FAF1: variants seen among roughly 807,000 people sequenced by gnomAD.
FAF1 encodes the protein Fas associated factor 1, also known as FAS-associated factor 1.
FAF1 carries 25 observed loss-of-function variants against 92.5 expected under a neutral mutation model. The ratio of observed to expected loss-of-function variants is 0.27; its 90% CI spans 0.20 to 0.38. The LOEUF (loss-of-function observed/expected upper bound fraction) is 0.38. Ranked by LOEUF, FAF1 falls within the 10% of genes least tolerant of loss-of-function variation. The pLI, the probability that FAF1 is intolerant of heterozygous loss-of-function variation, is 1.00. For synonymous variants in FAF1, 234 were observed against 273.2 expected (o/e 0.86, Z 1.42); for missense variants, 636 against 793.3 (o/e 0.80, Z 2.38).
rs767211609 is a variant in FAF1, at chr1:50,567,210, G to T, written c.1135C>A (p.Leu379Ile). Residue 379 changes from leucine to isoleucine, a missense_variant, in exon 13 of 19, where the codon CTC (leucine) becomes ATC (isoleucine). Leu to Ile is a conservative substitution (Grantham distance 5). Transcript: ENST00000396153. ...GTTAACACACTTTCATCATGGTGGAGGTAGATAGCAAGAAGCTTTCTCTGA... is the reference window on the plus strand; with the variant it reads ...GTTAACACACTTTCATCATGGTGGATGTAGATAGCAAGAAGCTTTCTCTGA... ...ARDRKLLAIY[L>I]HHDESVLTNV... 6.2e-7 allele frequency: 1 copy of T among 1,605,656 alleles called. No individual in the cohort carries two copies. The highest frequency in any genetic ancestry group is 8.5e-7 in the Non-Finnish European group (1 of 1,175,608).
intron 17 of FAF1, among the ~76,000 whole-genome samples, chr1:50,482,706 A>G (rs1442925444): frequency 1.3e-5 from 2 of 152,168 alleles, no homozygotes; most frequent in Non-Finnish European, 2.9e-5. Context: ...AAGTCTTCTA[A>G]AAGGTGTACA....
Position 50,441,114 on chromosome 1 carries a change from G to C in FAF1, c.*326C>G, listed in dbSNP as rs1646161726. 4.5e-6 allele frequency: 1 copy of C among 222,320 alleles called. No homozygotes were observed. Among genetic ancestry groups the C allele is most frequent in the Non-Finnish European group, 8.8e-6 (1 of 113,968 alleles). The allele number at this position is 222,320 out of a possible 1,614,324, so 13.8% of individuals were successfully genotyped here. ...ACTGTCCTAGACACTGTGGGGAAAA[G>C]ATGGGCACTGGAGAGGTAAAAATTC... On this transcript the variant is annotated 3_prime_UTR_variant, in exon 19 of 19. Coordinates refer to ENST00000396153, the MANE Select transcript of FAF1 (RefSeq NM_007051.3).
At chr1:50,535,515 TATTA>T in intron 14 of FAF1, 58 bp from the exon 15 acceptor site, 1 of 938,490 alleles carries the variant, frequency 1.1e-6, no homozygotes, top group Non-Finnish European at 1.7e-6. Context: ...AACTTCAAAT[TATTA>T]AAGTATTAGA....
chr1:50,751,666 C>T (rs563786362), intron 4 of FAF1, among the ~76,000 whole-genome samples: 2 of 152,300 alleles, frequency 1.3e-5, no homozygotes, highest in South Asian at 4.1e-4. Context: ...AAACAAGCCA[C>T]ATGGCCTACT....
At chr1:50,624,887 AT>A (rs1653418721) in intron 8 of FAF1, among the ~76,000 whole-genome samples, 1 of 149,602 alleles carries the variant, frequency 6.7e-6, no homozygotes, top group South Asian at 2.1e-4. Flanking sequence ...CAGCACTAGA[AT>A]CCCACACTCT....
chr1:50,543,293 G>C (rs1047237640), intron 13 of FAF1, among the ~76,000 whole-genome samples: 2 of 152,232 alleles, frequency 1.3e-5, no homozygotes, highest in Middle Eastern at 3.4e-3. Context: ...TAGCAATTTA[G>C]GGGAAGGGAG....
intron 7 of FAF1, among the ~76,000 whole-genome samples, chr1:50,658,368 A>G (rs1655220523): frequency 6.6e-6 from 1 of 152,214 alleles, no homozygotes. Flanking sequence ...TAAAGTACAC[A>G]CAAATACTAT....
intron 8 of FAF1, 123 bp downstream of exon 8, chr1:50,655,319 G>C: frequency 1.2e-5 from 9 of 744,778 alleles, no homozygotes; most frequent in African/African-American, 7.0e-5. Context: ...ACCGTGCCTG[G>C]CTAGATAATT....
At chr1:50,810,103 A>C (rs1662361655) in intron 2 of FAF1, among the ~76,000 whole-genome samples, 1 of 152,122 alleles carries the variant, frequency 6.6e-6, no homozygotes, top group South Asian at 2.1e-4. Context: ...TGAAAATACA[A>C]AATTAGCCAG....
chr1:50,737,389 T>G (rs1457318969), intron 6 of FAF1, among the ~76,000 whole-genome samples: 1 of 152,216 alleles, frequency 6.6e-6, no homozygotes, highest in Non-Finnish European at 1.5e-5. Context: ...TGACATCTCC[T>G]GTCTGCTTTT....
At chr1:50,767,355 A>T (rs1469599889) in intron 4 of FAF1, among the ~76,000 whole-genome samples, 1 of 152,208 alleles carries the variant, frequency 6.6e-6, no homozygotes. Flanking sequence ...TCCCTGAAAA[A>T]GAGGGAGAGA....
chr1:50,624,793 G>A (rs964257168), intron 8 of FAF1, among the ~76,000 whole-genome samples: 2 of 151,662 alleles, frequency 1.3e-5, no homozygotes, highest in Non-Finnish European at 2.9e-5. Flanking sequence ...GAATCCAACT[G>A]TCATAAGTAG....
chr1:50,697,643 G>T lies in FAF1; in HGVS notation c.657+8143C>A, dbSNP rs1657289664. ...AATTAAACAATGCCGGCTTTGCAAT[G>T]AGCAGATGCTTTTGCCTTGCAGCTG... On this transcript the variant is annotated intron_variant, in intron 7 of 18. Transcript: ENST00000396153. Among the ~76,000 whole-genome samples the T allele has an allele frequency of 2.6e-5, 4 of 152,262 alleles. 1 individual carries two copies. The South Asian group carries it at 8.3e-4, about 32-fold the overall frequency.
intron 7 of FAF1, among the ~76,000 whole-genome samples, chr1:50,694,841 T>C (rs1557479786): frequency 6.7e-6 from 1 of 148,914 alleles, no homozygotes; most frequent in Non-Finnish European, 1.5e-5. Flanking sequence ...TGGGCACCTG[T>C]AGTCCCAGCT....
intron 15 of FAF1, among the ~76,000 whole-genome samples, chr1:50,532,152 T>TA (rs1251969161): frequency 6.6e-6 from 1 of 152,188 alleles, no homozygotes; most frequent in African/African-American, 2.4e-5. Context: ...ACTTGAGCTA[T>TA]AACTTTCATG....
chr1:50,509,026 C>T (rs1383548138), intron 15 of FAF1, among the ~76,000 whole-genome samples: 1 of 152,014 alleles, frequency 6.6e-6, no homozygotes, highest in Non-Finnish European at 1.5e-5. Flanking sequence ...TTTAAAATGG[C>T]TAATTTTCTG....
chr1:50,615,868 C>T (rs1187502421), intron 8 of FAF1, among the ~76,000 whole-genome samples: 1 of 152,062 alleles, frequency 6.6e-6, no homozygotes, highest in East Asian at 1.9e-4. Context: ...TTAGGTCCTA[C>T]TTGTCAATTT....
At chr1:50,729,436 A>G (rs2124470573) in intron 6 of FAF1, among the ~76,000 whole-genome samples, 3 of 151,612 alleles carry the variant, frequency 2.0e-5, no homozygotes, top group Middle Eastern at 3.4e-3. Flanking sequence ...TGATTTTGGT[A>G]TCAAGATTAT....
intron 6 of FAF1, among the ~76,000 whole-genome samples, chr1:50,729,058 A>ATATATTTTTTT (rs1375923156): frequency 2.7e-4 from 19 of 70,116 alleles, no homozygotes; most frequent in African/African-American, 1.1e-3. Flanking sequence ...ATATATATAT[A>ATATATTTTTTT]TTTTTTTTTT....
Sources: gnomAD v4.1 joint callset for allele counts (sites outside exome capture counted in the v4.1 genomes callset) on GRCh38, gnomAD v4.1.1 for gene constraint, MANE v1.5 for transcripts, NCBI Gene and HGNC (gene_info 2026-07-23, HGNC 2026-07-21) for gene names.